XPO7: variants seen among roughly 807,000 people sequenced by gnomAD.
The protein encoded by XPO7 is exportin-7.
In XPO7, 21 loss-of-function variants were observed where a neutral mutation model predicts 144.3. The observed-to-expected ratio is 0.15, with a 90% confidence interval of 0.10 to 0.21. The LOEUF is 0.21. Ranked by LOEUF, XPO7 falls within the 10% of genes least tolerant of loss-of-function variation. The pLI is 1.00. For synonymous variants in XPO7, 580 were observed against 499.6 expected (o/e 1.16, Z -2.15); for missense variants, 808 against 1,325.8 (o/e 0.61, Z 6.06).
In XPO7 at chr8:21,970,248, G is replaced by T; in HGVS notation, c.364G>T (p.Asp122Tyr). The change falls in exon 4 of 28, where the codon GAC (aspartate) becomes TAC (tyrosine). Residue 122 changes from aspartate to tyrosine, a missense_variant. This residue lies in a region of XPO7 where 223 missense variants were observed against 368.8 expected (regional missense o/e 0.60). Coordinates refer to ENST00000252512, the MANE Select transcript of XPO7 (RefSeq NM_015024.5). ...YARITKLGWF[D>Y]CQKDDYVFRN... ...CAGAATCACAAAACTGGGCTGGTTT[G>T]ACTGTCAGAAGGATGACTATGTCTT... 1 of 1,613,752 alleles carries T rather than the reference G, an allele frequency of 6.2e-7. No individual in the cohort carries two copies. Among genetic ancestry groups the T allele is most frequent in the Non-Finnish European group, 8.5e-7 (1 of 1,179,822 alleles).
Position 21,998,947 on chromosome 8 carries a change from C to G in XPO7, c.2428+110C>G. 1.9e-5 allele frequency: 27 copies of G among 1,454,082 alleles called. No homozygotes were observed. The South Asian group carries it at 3.2e-4, about 17-fold the overall frequency. The allele number at this position is 1,454,082 out of a possible 1,614,324, so 90.1% of individuals were successfully genotyped here. A position where few individuals can be genotyped will look rare whatever the true frequency, so the allele number is the denominator to read the frequency against. Reference sequence around the variant, plus strand: ...TCCTGGCAGGAGCCAGGACAGCATTCGTATTGTATGCTAATACATGTGCAT... The same window carrying G: ...TCCTGGCAGGAGCCAGGACAGCATTGGTATTGTATGCTAATACATGTGCAT... On this transcript the variant is annotated intron_variant, in intron 22 of 27. Transcript: ENST00000252512.
intron 21 of XPO7, 94 bp downstream of exon 21, chr8:21,995,693 T>TA: frequency 2.1e-6 from 2 of 932,530 alleles, no homozygotes. Flanking sequence ...TGGGAAATAA[T>TA]AAGATTCACT....
intron 3 of XPO7, 125 bp downstream of exon 3, chr8:21,969,701 A>G: frequency 1.0e-6 from 1 of 993,334 alleles, no homozygotes; most frequent in Middle Eastern, 2.1e-4. Flanking sequence ...AAATGTCTAG[A>G]ATCCAGTTCG....
intron 1 of XPO7, among the ~76,000 whole-genome samples, chr8:21,962,978 A>G (rs1293792719): frequency 6.6e-6 from 1 of 152,234 alleles, no homozygotes; most frequent in African/African-American, 2.4e-5. Flanking sequence ...AATTTACTCA[A>G]CACAGTGTTT....
In XPO7 at chr8:21,991,861, T is replaced by C; in HGVS notation, c.2042-7T>C. 6.2e-7 allele frequency: 1 copy of C among 1,607,502 alleles called. No individual in the cohort carries two copies. Among genetic ancestry groups the C allele is most frequent in the Non-Finnish European group, 8.5e-7 (1 of 1,177,430 alleles). On this transcript the variant is annotated splice_polypyrimidine_tract_variant and splice_region_variant and intron_variant, in intron 18 of 27. Coordinates refer to ENST00000252512, the MANE Select transcript of XPO7 (RefSeq NM_015024.5). The stretch of plus-strand genomic sequence containing the variant: ...TGGGGTTACACCCTGGGATGTTTCC[T>C]TTACAGGAGAGGATGAAGATCAGTA...
At position 21,966,892 on chromosome 8, in the gene XPO7, G is replaced by T. The variant is rs529080857; in HGVS notation, c.54G>T (p.Leu18=). 4.0e-5 allele frequency: 64 copies of T among 1,613,792 alleles called. No homozygotes were observed. The highest frequency in any genetic ancestry group is 2.5e-6 in the Non-Finnish European group (3 of 1,179,848). The change falls in exon 2 of 28, where the codon CTG becomes CTT. Residue 18 remains leucine (L), a synonymous_variant. Coordinates refer to ENST00000252512, the MANE Select transcript of XPO7 (RefSeq NM_015024.5). ...LAQLENLCKQ[L]YETTDTTTRL... is the part of the protein sequence containing the mutation. ...AACTAGAGAATCTGTGCAAACAGCTGTATGAAACCACAGACACAACCACTC... is the reference window on the plus strand; with the variant it reads ...AACTAGAGAATCTGTGCAAACAGCTTTATGAAACCACAGACACAACCACTC...
chr8:22,001,701 A>C (rs1813154054), intron 24 of XPO7, among the ~76,000 whole-genome samples: 1 of 152,062 alleles, frequency 6.6e-6, no homozygotes, highest in African/African-American at 2.4e-5. Flanking sequence ...CCGATACATA[A>C]CCTCTCCTAA....
At chr8:21,944,670 G>C (rs1416880489) in intron 1 of XPO7, among the ~76,000 whole-genome samples, 1 of 152,084 alleles carries the variant, frequency 6.6e-6, no homozygotes, top group Non-Finnish European at 1.5e-5. Flanking sequence ...GGATTTGGCA[G>C]GGTTATAGGA....
intron 1 of XPO7, among the ~76,000 whole-genome samples, chr8:21,965,194 A>G (rs184790634): frequency 7.9e-5 from 12 of 151,712 alleles, no homozygotes; most frequent in Non-Finnish European, 1.6e-4. Flanking sequence ...ATAGATTTCA[A>G]TGTTGAAACA....
intron 1 of XPO7, among the ~76,000 whole-genome samples, chr8:21,956,794 G>A (rs1425320141): frequency 1.4e-5 from 2 of 146,174 alleles, no homozygotes; most frequent in Non-Finnish European, 3.0e-5. Context: ...GGGCTTAATT[G>A]TATGTTTTCA....
chr8:21,979,973 A>G (rs1812350292), intron 8 of XPO7, 111 bp from the exon 9 acceptor site: 2 of 1,236,634 alleles, frequency 1.6e-6, no homozygotes, highest in East Asian at 2.8e-5. Context: ...TTTTAAAATA[A>G]TGTTGCTTCA....
chr8:21,982,875 C>G, intron 11 of XPO7, 63 bp downstream of exon 11: 1 of 1,516,688 alleles, frequency 6.6e-7, no homozygotes, highest in Non-Finnish European at 8.8e-7. Flanking sequence ...TCCTAGAGAT[C>G]AGACACCCCA....
chr8:21,922,383 A>AGT (rs1563305780), intron 1 of XPO7, among the ~76,000 whole-genome samples: 1 of 152,184 alleles, frequency 6.6e-6, no homozygotes, highest in Non-Finnish European at 1.5e-5. Context: ...TGTCTGTAGA[A>AGT]GTGTGCCCTT....
intron 11 of XPO7, 121 bp from the exon 12 acceptor site, chr8:21,984,525 C>T (rs907677473): frequency 2.4e-5 from 21 of 890,878 alleles, no homozygotes; most frequent in South Asian, 1.3e-4. Context: ...AAAGTAATGT[C>T]GGGATGTAGA....
At chr8:21,992,390 G>T (rs1812799676) in intron 19 of XPO7, among the ~76,000 whole-genome samples, 1 of 152,062 alleles carries the variant, frequency 6.6e-6, no homozygotes, top group African/African-American at 2.4e-5. Flanking sequence ...GTGATGTCAA[G>T]TTTCTACATT....
At chr8:21,989,820 C>G (rs7005500) in intron 16 of XPO7, among the ~76,000 whole-genome samples, 57,891 of 93,844 alleles carry the variant, frequency 0.62, 13,711 homozygotes, top group African/African-American at 0.69. Context: ...ATAGGTGTTT[C>G]CTTTTTTTTT....
Position 21,982,749 on chromosome 8 carries a change from A to G in XPO7, c.1214A>G (p.Tyr405Cys). 6.2e-7 allele frequency: 1 copy of G among 1,613,966 alleles called. No homozygotes were observed. Among genetic ancestry groups the G allele is most frequent in the Non-Finnish European group, 8.5e-7 (1 of 1,179,890 alleles). Reference protein sequence around the residue: ...KATEPHMLETYTPEVTKAYIT... With the variant: ...KATEPHMLETCTPEVTKAYIT... Reference sequence around the variant, plus strand: ...ACAGAGCCCCACATGCTGGAAACTTACACTCCTGAGGTCACCAAAGCCTAC... The same window carrying G: ...ACAGAGCCCCACATGCTGGAAACTTGCACTCCTGAGGTCACCAAAGCCTAC... The change falls in exon 11 of 28, where the codon TAC (tyrosine) becomes TGC (cysteine). Residue 405 changes from tyrosine (Y) to cysteine (C), a missense_variant. Tyr to Cys is a radical substitution (Grantham distance 194, BLOSUM62 -2). Coordinates refer to ENST00000252512, the MANE Select transcript of XPO7 (RefSeq NM_015024.5).
In XPO7 at chr8:21,949,620, C is replaced by T. The variant is rs536293008; in HGVS notation, c.19-17237C>T. 7.2e-4 allele frequency among the ~76,000 whole-genome samples: 110 copies of T among 152,290 alleles called. 1 individual carries two copies. The highest frequency in any genetic ancestry group is 2.9e-3 in the South Asian group (14 of 4,826). The stretch of plus-strand genomic sequence containing the variant: ...GTGTTACCTATAGTGTTAAAGGCCA[C>T]GTGGTTCATGACTTTCTTTCCCCCA... On this transcript the variant is annotated intron_variant, in intron 1 of 27. Coordinates refer to ENST00000252512, the MANE Select transcript of XPO7 (RefSeq NM_015024.5).
rs774526114 is a variant in XPO7, at chr8:21,977,771, C to T, written c.765C>T (p.Ala255=). 3 of 1,613,882 alleles carry T rather than the reference C, an allele frequency of 1.9e-6. No individual in the cohort carries two copies. The Admixed American group carries it at 5.0e-5, about 27-fold the overall frequency. ...TVQIPTSWRS[A]FLDSSTLQLF... is the part of the protein sequence containing the mutation. The stretch of plus-strand genomic sequence containing the variant: ...GTCTTTTGTCTTTTTCTTCCCCAGC[C>T]TTCTTAGATTCTTCAACCTTGCAGC... Residue 255 remains alanine (A), a splice_region_variant and synonymous_variant, in exon 8 of 28, where the codon GCC becomes GCT. Coordinates refer to ENST00000252512, the MANE Select transcript of XPO7 (RefSeq NM_015024.5).
Sources: gnomAD v4.1 joint callset for allele counts (sites outside exome capture counted in the v4.1 genomes callset) on GRCh38, gnomAD v4.1.1 for gene constraint, gnomAD v4.1.1 regional missense constraint, MANE v1.5 for transcripts, NCBI Gene and HGNC (gene_info 2026-07-23, HGNC 2026-07-21) for gene names.